LRBA: variants seen among roughly 807,000 people sequenced by gnomAD.
The protein encoded by LRBA is LPS responsive beige-like anchor protein.
LRBA carries 176 observed loss-of-function variants against 330.0 expected under a neutral mutation model. The observed-to-expected ratio is 0.53, with a 90% CI of 0.47 to 0.60. The LOEUF (loss-of-function observed/expected upper bound fraction) is 0.60, where lower values mean the gene tolerates loss of function less well. Ranked by LOEUF, LRBA falls within the 20% of genes least tolerant of loss-of-function variation. The pLI is 0.00. For synonymous variants in LRBA, 1,230 were observed against 1,193.0 expected (o/e 1.03, Z -0.64); for missense variants, 3,259 against 3,444.8 (o/e 0.95, Z 1.35).
chr4:150,420,123 A>C (rs909233960), intron 46 of LRBA, among the ~76,000 whole-genome samples: 3 of 150,456 alleles, frequency 2.0e-5, no homozygotes, highest in African/African-American at 7.3e-5. Flanking sequence ...CTGTGCCTGT[A>C]GTCCCAGCTA....
At chr4:150,922,909 A>G (rs954574250) in intron 4 of LRBA, among the ~76,000 whole-genome samples, 5 of 152,192 alleles carry the variant, frequency 3.3e-5, no homozygotes, top group Admixed American at 2.0e-4. Flanking sequence ...AGGCAGGGGA[A>G]CATTTCCAAA....
At chr4:150,963,455 G>A (rs1017499902) in intron 2 of LRBA, among the ~76,000 whole-genome samples, 9 of 149,744 alleles carry the variant, frequency 6.0e-5, no homozygotes, top group Non-Finnish European at 1.0e-4. Context: ...CTGAGGTGCC[G>A]GGATTGCAGA....
intron 2 of LRBA, among the ~76,000 whole-genome samples, chr4:150,963,156 C>A (rs1579333272): frequency 6.7e-6 from 1 of 148,456 alleles, no homozygotes; most frequent in Non-Finnish European, 1.5e-5. Flanking sequence ...ATCCCTCTCC[C>A]TCTCACTCTG....
At chr4:150,348,511 T>A (rs990568729) in intron 48 of LRBA, among the ~76,000 whole-genome samples, 1 of 152,196 alleles carries the variant, frequency 6.6e-6, no homozygotes, top group African/African-American at 2.4e-5. Flanking sequence ...AAAAAATATA[T>A]ACTGGCATAG....
In LRBA at chr4:150,861,507, T is replaced by C. The variant is rs986185024; in HGVS notation, c.2766+6164A>G. Among the ~76,000 whole-genome samples, 7 of 152,240 alleles carry C rather than the reference T, an allele frequency of 4.6e-5. No individual in the cohort carries two copies. The South Asian group carries it at 1.5e-3, about 32-fold the overall frequency. ...GAAAAGGTATAGTAAAAATCCAATA[T>C]AAAAGATTTAAAATGGTACCTACAT... On this transcript the variant is annotated intron_variant, in intron 22 of 56. Coordinates refer to ENST00000651943, the MANE Select transcript of LRBA (RefSeq NM_001364905.1).
chr4:150,706,053 G>A (rs1346630710), intron 36 of LRBA, among the ~76,000 whole-genome samples: 1 of 151,810 alleles, frequency 6.6e-6, no homozygotes, highest in East Asian at 1.9e-4. Flanking sequence ...AAGCCCAAGA[G>A]CATCAAATGA....
chr4:150,757,979 G>T (rs1159794033), intron 35 of LRBA, among the ~76,000 whole-genome samples: 2 of 152,026 alleles, frequency 1.3e-5, no homozygotes, highest in Non-Finnish European at 2.9e-5. Context: ...TCAGAGAAAG[G>T]GTACTATGAA....
At chr4:150,940,601 T>C (rs1735562812) in intron 2 of LRBA, among the ~76,000 whole-genome samples, 1 of 152,184 alleles carries the variant, frequency 6.6e-6, no homozygotes, top group Admixed American at 6.5e-5. Flanking sequence ...TTTTATATAT[T>C]TTACACATAC....
intron 53 of LRBA, among the ~76,000 whole-genome samples, chr4:150,286,993 C>T (rs1169664713): frequency 6.6e-6 from 1 of 152,150 alleles, no homozygotes. Flanking sequence ...GGTAAAGATA[C>T]AAAAAGTCTT....
intron 9 of LRBA, among the ~76,000 whole-genome samples, chr4:150,911,727 T>A (rs1291530019): frequency 6.6e-6 from 1 of 152,184 alleles, no homozygotes; most frequent in African/African-American, 2.4e-5. Context: ...TTGAAAATGT[T>A]CCCTACTCTT....
At chr4:150,273,643 A>C (rs1447192044) in intron 56 of LRBA, among the ~76,000 whole-genome samples, 1 of 152,146 alleles carries the variant, frequency 6.6e-6, no homozygotes, top group East Asian at 1.9e-4. Flanking sequence ...GGAAAGAAAA[A>C]AAAAAAGCAG....
At chr4:150,639,811 G>GTATATATATATATATATATATATATA (rs1778424675) in intron 37 of LRBA, among the ~76,000 whole-genome samples, 2 of 13,838 alleles carry the variant, frequency 1.4e-4, no homozygotes, top group African/African-American at 7.5e-4. Context: ...ATATATGTGT[G>GTATATATATATATATATATATATATA]TGTGTGTGTA....
intron 54 of LRBA, among the ~76,000 whole-genome samples, chr4:150,283,068 G>A (rs980169085): frequency 6.6e-6 from 1 of 152,192 alleles, no homozygotes; most frequent in East Asian, 1.9e-4. Flanking sequence ...GAGCCCCAAC[G>A]GCCACGGCAC....
intron 47 of LRBA, among the ~76,000 whole-genome samples, chr4:150,403,449 C>A (rs1047466683): frequency 6.6e-6 from 1 of 152,162 alleles, no homozygotes; most frequent in African/African-American, 2.4e-5. Flanking sequence ...TGATAATTTA[C>A]ACAAAGATTA....
At chr4:150,982,178 T>C (rs1740923209) in intron 2 of LRBA, among the ~76,000 whole-genome samples, 2 of 152,084 alleles carry the variant, frequency 1.3e-5, no homozygotes, top group Non-Finnish European at 2.9e-5. Flanking sequence ...TACTTAGAGA[T>C]GAGAGACAGT....
rs200047974 is a variant in LRBA at position 150,315,564 on chromosome 4, T to A, written c.7690A>T (p.Ile2564Leu). The change falls in exon 51 of 57, where the codon ATA becomes TTA. Residue 2564 changes from isoleucine (I) to leucine (L), a missense_variant. Transcript: ENST00000651943. ...AAGAGAGAAGGAAGTGACAGACCTA[T>A]GAGAGGATCGATTTCCACTGGCAGC... ...YQLPVEIDPL[I>L]ASNTGMHRRQ... The A allele has an allele frequency of 1.2e-6, 2 of 1,611,682 alleles. No individual in the cohort carries two copies. The highest frequency in any genetic ancestry group is 1.1e-5 in the South Asian group (1 of 90,990).
At chr4:150,804,028 A>T (rs376722836) in intron 33 of LRBA, among the ~76,000 whole-genome samples, 2 of 152,278 alleles carry the variant, frequency 1.3e-5, no homozygotes, top group East Asian at 3.9e-4. Context: ...ACTGTAATAA[A>T]ATTAAACATA....
intron 13 of LRBA, among the ~76,000 whole-genome samples, chr4:150,904,522 A>G (rs1318531412): frequency 6.6e-6 from 1 of 152,186 alleles, no homozygotes; most frequent in African/African-American, 2.4e-5. Context: ...TAAGAAAATC[A>G]TAAGATGAAT....
chr4:150,854,870 T>C (rs1751040848), intron 22 of LRBA, among the ~76,000 whole-genome samples: 1 of 152,322 alleles, frequency 6.6e-6, no homozygotes, highest in East Asian at 1.9e-4. Context: ...ATTATGATTG[T>C]AGAACATTAT....
Sources: gnomAD v4.1 joint callset for allele counts (sites outside exome capture counted in the v4.1 genomes callset) on GRCh38, gnomAD v4.1.1 for gene constraint, MANE v1.5 for transcripts, NCBI Gene and HGNC (gene_info 2026-07-23, HGNC 2026-07-21) for gene names.